OR8J1: variants seen among roughly 807,000 people sequenced by gnomAD.
The protein encoded by OR8J1 is olfactory receptor 8J1.
For missense variants in OR8J1, 400 were observed against 373.0 expected, an observed-to-expected ratio of 1.07 and a Z score of -0.60; for synonymous variants, 157 against 144.3, an observed-to-expected ratio of 1.09 and a Z score of -0.63.
At chr11:56,360,174 C>A in intron 1 of OR8J1, 53 bp from the exon 2 acceptor site, 1 of 1,177,440 alleles carries the variant, frequency 8.5e-7, no homozygotes, top group South Asian at 1.5e-5. Flanking sequence ...CATATAAGGG[C>A]AGTCCTGCAA....
chr11:56,359,553 G>A (rs780334112), intron 1 of OR8J1, among the ~76,000 whole-genome samples: 3 of 151,980 alleles, frequency 2.0e-5, no homozygotes, highest in Non-Finnish European at 4.4e-5. Context: ...GTAGTATCCA[G>A]TAAAGCATAA....
At position 56,360,291 on chromosome 11, in the gene OR8J1, A is replaced by C. The variant is rs763204447; in HGVS notation, c.45A>C (p.Thr15=). The C allele has an allele frequency of 3.8e-6, 6 of 1,599,614 alleles. No homozygotes were observed. The South Asian group carries it at 6.8e-5, about 18-fold the overall frequency. Residue 15 remains threonine (T), a synonymous_variant, in exon 2 of 2, where the codon ACA becomes ACC. Coordinates refer to ENST00000533152, the MANE Select transcript of OR8J1 (RefSeq NM_001005205.3). ...NFTRVTEFIL[T]GVSSCPELQI... ...CCAGAGTCACTGAGTTTATTCTTACAGGTGTCTCTAGCTGTCCAGAGCTCC... is the reference window on the plus strand; with the variant it reads ...CCAGAGTCACTGAGTTTATTCTTACCGGTGTCTCTAGCTGTCCAGAGCTCC...
intron 1 of OR8J1, 89 bp from the exon 2 acceptor site, chr11:56,360,138 A>C: frequency 3.7e-6 from 3 of 816,592 alleles, no homozygotes; most frequent in Non-Finnish European, 5.6e-6. Flanking sequence ...CAATTCAAAG[A>C]AATGTTATCA....
At chr11:56,357,655 A>G in intron 1 of OR8J1, 1 of 1,547,820 alleles carries the variant, frequency 6.5e-7, no homozygotes, top group Non-Finnish European at 8.8e-7. Context: ...AGGCTTCTCA[A>G]TAGGTTTGGC....
Position 56,361,068 on chromosome 11 carries a change from G to T in OR8J1, c.822G>T (p.Met274Ile). Residue 274 changes from methionine to isoleucine, a missense_variant, in exon 2 of 2, where the codon ATG becomes ATT. Physicochemically the swap from Met to Ile is conservative, Grantham distance 10. Transcript: ENST00000533152. ...SNHSLDTDDKMASVFYTLVIP... is the reference protein window; with the variant it reads ...SNHSLDTDDKIASVFYTLVIP... ...ATTCACTGGATACTGATGATAAGAT[G>T]GCTTCTGTGTTTTACACGTTGGTAA... is the stretch of plus-strand genomic sequence containing the variant. 1.3e-6 allele frequency: 2 copies of T among 1,512,180 alleles called. No individual in the cohort carries two copies. The highest frequency in any genetic ancestry group is 1.8e-6 in the Non-Finnish European group (2 of 1,138,156). The allele number at this position is 1,512,180 out of a possible 1,614,324, so 93.7% of individuals were successfully genotyped here. A position where few individuals can be genotyped will look rare whatever the true frequency, so the allele number is the denominator to read the frequency against.
At chr11:56,355,438 C>A (rs1345602544) in intron 1 of OR8J1, among the ~76,000 whole-genome samples, 1 of 151,798 alleles carries the variant, frequency 6.6e-6, no homozygotes, top group East Asian at 1.9e-4. Context: ...GAATTTGAGA[C>A]CAACCTGGTC....
intron 1 of OR8J1, among the ~76,000 whole-genome samples, chr11:56,356,712 G>A (rs760266102): frequency 6.6e-6 from 1 of 151,978 alleles, no homozygotes; most frequent in African/African-American, 2.4e-5. Flanking sequence ...ATAAAATCTT[G>A]ACATATGAAA....
chr11:56,358,054 G>A lies in OR8J1; in HGVS notation c.-20-2173G>A, dbSNP rs975149995. The A allele has an allele frequency of 6.4e-6, 4 of 622,224 alleles. No homozygotes were observed. The African/African-American group carries it at 7.3e-5, about 11-fold the overall frequency. 38.5% of individuals were successfully genotyped at this position (622,224 alleles called of 1,614,324 possible). A position where few individuals can be genotyped will look rare whatever the true frequency, so the allele number is the denominator to read the frequency against. ...CATGATGGAGGAGACGTATAAGAAA[G>A]CTCATGCTGCTATAGGAGAAAATCC... On this transcript the variant is annotated intron_variant, in intron 1 of 1. Transcript: ENST00000533152.
chr11:56,360,471 T>C lies in OR8J1; in HGVS notation c.225T>C (p.Thr75=), dbSNP rs1445787903. The C allele has an allele frequency of 6.2e-7, 1 of 1,614,178 alleles. No individual in the cohort carries two copies. Among genetic ancestry groups the C allele is most frequent in the Non-Finnish European group, 8.5e-7 (1 of 1,180,020 alleles). Residue 75 remains threonine, a synonymous_variant, in exon 2 of 2, where the codon ACT becomes ACC. Transcript: ENST00000533152. ...HLALINLGNS[T]VIAPKMLINF... is the part of the protein sequence containing the mutation. ...CTCTCATTAATCTTGGTAACTCTAC[T>C]GTCATTGCCCCTAAAATGCTGATTA...
At chr11:56,355,256 A>G (rs1270061535) in intron 1 of OR8J1, among the ~76,000 whole-genome samples, 1 of 151,252 alleles carries the variant, frequency 6.6e-6, no homozygotes, top group Non-Finnish European at 1.5e-5. Flanking sequence ...AAAACTAGTA[A>G]TAGGGAATAA....
In OR8J1 at chr11:56,360,416, C is replaced by A. The variant is rs202181378; in HGVS notation, c.170C>A (p.Thr57Asn). 1.9e-5 allele frequency: 31 copies of A among 1,614,120 alleles called. No homozygotes were observed. Among genetic ancestry groups the A allele is most frequent in the Admixed American group, 6.7e-5 (4 of 59,992 alleles). The change falls in exon 2 of 2, where the codon ACC becomes AAC. Residue 57 changes from threonine to asparagine, a missense_variant. By Grantham distance (65) the Thr-to-Asn change is moderately conservative. Coordinates refer to ENST00000533152, the MANE Select transcript of OR8J1 (RefSeq NM_001005205.3). ...TLTSVDSRLQ[T>N]PMYFFLQHLA... Reference sequence around the variant, plus strand: ...ACCAGTGTTGACTCTCGACTTCAAACCCCCATGTACTTTTTCCTGCAACAT... The same window carrying A: ...ACCAGTGTTGACTCTCGACTTCAAAACCCCATGTACTTTTTCCTGCAACAT...
rs1852617096 is a variant in OR8J1, at chr11:56,360,373, C to A, written c.127C>A (p.Leu43Met). 2 of 1,614,010 alleles carry A rather than the reference C, an allele frequency of 1.2e-6. No individual in the cohort carries two copies. Among genetic ancestry groups the A allele is most frequent in the Non-Finnish European group, 1.7e-6 (2 of 1,180,014 alleles). ...VLYGLTMAGN[L>M]GIITLTSVDS... ...CTATGGGCTGACCATGGCAGGGAAC[C>A]TGGGCATCATCACCCTCACCAGTGT... The change falls in exon 2 of 2, where the codon CTG becomes ATG. Residue 43 changes from leucine (L) to methionine (M), a missense_variant. By Grantham distance (15) the Leu-to-Met change is conservative. Coordinates refer to ENST00000533152, the MANE Select transcript of OR8J1 (RefSeq NM_001005205.3).
rs878882427 is a variant in OR8J1, at chr11:56,357,874, A to T, written c.-20-2353A>T. ...AGTACCAAACAATTCCCTGATTATG[A>T]TTCTGAAAGCAAGGGATTTAATGCA... On this transcript the variant is annotated intron_variant, in intron 1 of 1. Coordinates refer to ENST00000533152, the MANE Select transcript of OR8J1 (RefSeq NM_001005205.3). 30 of 898,446 alleles carry T rather than the reference A, an allele frequency of 3.3e-5. 1 individual carries two copies. In the South Asian group the frequency reaches 3.9e-4, roughly 12 times the overall value. The allele number at this position is 898,446 out of a possible 1,614,324, so 55.7% of individuals were successfully genotyped here. A position where few individuals can be genotyped will look rare whatever the true frequency, so the allele number is the denominator to read the frequency against.
chr11:56,357,539 T>C (rs1854986098), intron 1 of OR8J1: 1 of 859,208 alleles, frequency 1.2e-6, no homozygotes, highest in Non-Finnish European at 2.0e-6. Context: ...TAGAGGGGAA[T>C]GTGATAGTCC....
intron 1 of OR8J1, chr11:56,357,697 CGACTAGT>C: frequency 6.3e-7 from 1 of 1,583,816 alleles, no homozygotes; most frequent in Non-Finnish European, 8.6e-7. Flanking sequence ...CAAGTGGAGG[CGACTAGT>C]GATGAATACA....
chr11:56,358,172 G>A lies in OR8J1; in HGVS notation c.-20-2055G>A, dbSNP rs533343459. On this transcript the variant is annotated intron_variant, in intron 1 of 1. Coordinates refer to ENST00000533152, the MANE Select transcript of OR8J1 (RefSeq NM_001005205.3). ...GCTCAGAAGAAAGATTGGGTAGCTC[G>A]AAAGAAGGCAAGCTTCCTCAGAGCT... 419 of 327,740 alleles carry A rather than the reference G, an allele frequency of 1.3e-3. 2 individuals are homozygous for A. The highest frequency in any genetic ancestry group is 1.9e-3 in the Non-Finnish European group (329 of 173,976). The allele number at this position is 327,740 out of a possible 1,614,324, so 20.3% of individuals were successfully genotyped here.
chr11:56,357,947 G>A, intron 1 of OR8J1: 1 of 869,172 alleles, frequency 1.2e-6, no homozygotes. Context: ...CAGCTTAGTT[G>A]CTAGCGCTAC....
At chr11:56,357,098 A>G (rs1421353449) in intron 1 of OR8J1, among the ~76,000 whole-genome samples, 4 of 152,170 alleles carry the variant, frequency 2.6e-5, no homozygotes, top group Admixed American at 6.6e-5. Flanking sequence ...CAGAAATCCC[A>G]TATCAACCTC....
At chr11:56,357,715 A>G (rs1213559320) in intron 1 of OR8J1, 4 of 1,583,004 alleles carry the variant, frequency 2.5e-6, no homozygotes, top group South Asian at 1.1e-5. Flanking sequence ...GATGAATACA[A>G]TGTGGAAAGC....
Sources: allele counts gnomAD v4.1 joint callset (sites outside exome capture counted in the v4.1 genomes callset), GRCh38; gene constraint gnomAD v4.1.1; transcripts MANE v1.5; gene names NCBI Gene and HGNC (gene_info 2026-07-23, HGNC 2026-07-21).